Variants in IGFL4 observed in about 807,000 individuals in gnomAD.
IGFL4 encodes IGF like family member 4.
Under a neutral mutation model 15.4 loss-of-function variants are expected in IGFL4, and 12 were observed. The observed-to-expected ratio is 0.78, with a 90% CI of 0.50 to 1.26. The LOEUF is 1.26. IGFL4 is among the 50% of genes most tolerant of loss of function. IGFL4 has a pLI of 0.00. For synonymous variants in IGFL4, 54 were observed against 55.9 expected (o/e 0.97, Z 0.16); for missense variants, 126 against 147.8 (o/e 0.85, Z 0.76).
upstream of IGFL4, among the ~76,000 whole-genome samples, chr19:46,043,743 A>C (rs1200091808): frequency 6.6e-6 from 1 of 152,242 alleles, no homozygotes; most frequent in African/African-American, 2.4e-5. Context: ...GCATATGAAA[A>C]AAAAAATCTT....
intron 1 of IGFL4, among the ~76,000 whole-genome samples, chr19:46,072,048 A>G (rs1969551402): frequency 6.6e-6 from 1 of 152,154 alleles, no homozygotes. Context: ...GAAGCTGAGG[A>G]TTCTCCAACT....
upstream of IGFL4, among the ~76,000 whole-genome samples, chr19:46,041,602 T>G (rs1969244050): frequency 6.6e-6 from 1 of 151,926 alleles, no homozygotes. Context: ...TTTTTTTTTT[T>G]TGGTTTGTGG....
Position 46,053,203 on chromosome 19 carries a change from T to C in IGFL4, c.-323+6982A>G, listed in dbSNP as rs188703771. ...CTGTGTTACTTCACTTGGTTCTGAT[T>C]TAAATGATCTGTTTTGTTTTGTTTT... On this transcript the variant is annotated intron_variant, in intron 2 of 5. Coordinates refer to the IGFL4 transcript ENST00000601672. 2.0e-3 allele frequency among the ~76,000 whole-genome samples: 305 copies of C among 152,228 alleles called. 1 individual carries two copies. Among genetic ancestry groups the C allele is most frequent in the Admixed American group, 3.8e-3 (58 of 15,272 alleles).
chr19:46,040,787 G>A lies in IGFL4; in HGVS notation c.19+157C>T. 2 of 949,054 alleles carry A rather than the reference G, an allele frequency of 2.1e-6. No homozygotes were observed. The highest frequency in any genetic ancestry group is 3.3e-6 in the Non-Finnish European group (2 of 606,640). The allele number at this position is 949,054 out of a possible 1,614,324, so 58.8% of individuals were successfully genotyped here. ...AGCTTCTGGAATTTGCAGTTCAGGA[G>A]ACAGATTACAATGCAGTCACAGATG... On this transcript the variant is annotated intron_variant, in intron 1 of 3. Transcript: ENST00000377697. This position sits in a 1 kb window ranked among gnomAD's most constrained non-coding sequence, Gnocchi z 4.1.
At chr19:46,043,805 T>G (rs1969271278), upstream of IGFL4, among the ~76,000 whole-genome samples, 1 of 152,030 alleles carries the variant, frequency 6.6e-6, no homozygotes, top group South Asian at 2.1e-4. Context: ...GATCTAGATA[T>G]AAAAAGTTAA....
chr19:46,059,376 G>C (rs1458872077), intron 2 of IGFL4: 1 of 152,172 alleles, frequency 6.6e-6, no homozygotes, highest in Non-Finnish European at 1.5e-5. Context: ...AGGCTGAATA[G>C]GGGCAATGCT....
intron 2 of IGFL4, among the ~76,000 whole-genome samples, chr19:46,055,888 C>T (rs4802285): frequency 0.52 from 79,771 of 151,966 alleles, 21,334 homozygotes; most frequent in Non-Finnish European, 0.55. Flanking sequence ...GTGATTCTCC[C>T]GCCTCAGCCT....
In IGFL4 at chr19:46,040,192, A is replaced by G; in HGVS notation, c.295T>C (p.Cys99Arg). 1 of 1,614,070 alleles carries G rather than the reference A, an allele frequency of 6.2e-7. No individual in the cohort carries two copies. Reference sequence around the variant, plus strand: ...ATCCTGGTGATAGGGGAGGACTTGCAATCTGGCTTCATGCCTGGGACCTTG... The same window carrying G: ...ATCCTGGTGATAGGGGAGGACTTGCGATCTGGCTTCATGCCTGGGACCTTG... ...RFKVPGMKPD[C>R]KSSPITRICA... Residue 99 changes from cysteine (C) to arginine (R), a missense_variant, in exon 3 of 4, where the codon TGC (cysteine) becomes CGC (arginine). Transcript: ENST00000377697. This position sits in a 1 kb window ranked among gnomAD's most constrained non-coding sequence, Gnocchi z 4.1.
intron 1 of IGFL4, among the ~76,000 whole-genome samples, chr19:46,062,176 C>A (rs1447942497): frequency 6.6e-6 from 1 of 152,110 alleles, no homozygotes; most frequent in South Asian, 2.1e-4. Context: ...TTCTTATTAC[C>A]CAACTTTAGC....
chr19:46,056,570 G>A (rs1037630176), intron 2 of IGFL4, among the ~76,000 whole-genome samples: 2 of 152,170 alleles, frequency 1.3e-5, no homozygotes, highest in Non-Finnish European at 1.5e-5. Context: ...GCCTCCTGAT[G>A]AATTGGAAAA....
exon 2 of IGFL4, chr19:46,060,286 C>T (rs1395079396): frequency 1.3e-5 from 2 of 152,146 alleles, no homozygotes; most frequent in Non-Finnish European, 2.9e-5. Context: ...AGAAAAGTTT[C>T]CTTGACTCTG....
chr19:46,047,566 A>C (rs2146513492), intron 2 of IGFL4, among the ~76,000 whole-genome samples: 1 of 152,318 alleles, frequency 6.6e-6, no homozygotes. Context: ...TCAAATAAAC[A>C]TAATCAGAAA....
intron 2 of IGFL4, among the ~76,000 whole-genome samples, chr19:46,047,680 G>A (rs1012582092): frequency 2.6e-5 from 4 of 151,964 alleles, no homozygotes; most frequent in Admixed American, 2.6e-4. Context: ...AGAAGAAATG[G>A]ATACATCCCT....
intron 1 of IGFL4, among the ~76,000 whole-genome samples, chr19:46,067,545 C>G (rs978422479): frequency 1.3e-5 from 2 of 152,156 alleles, no homozygotes; most frequent in African/African-American, 4.8e-5. Flanking sequence ...AGAAAATTCC[C>G]CAGGCAGGAA....
chr19:46,039,752 G>C lies in IGFL4; in HGVS notation c.*140C>G. 2 of 724,308 alleles carry C rather than the reference G, an allele frequency of 2.8e-6. No homozygotes were observed. Among genetic ancestry groups the C allele is most frequent in the Non-Finnish European group, 5.0e-6 (2 of 400,350 alleles). The allele number at this position is 724,308 out of a possible 1,614,324, so 44.9% of individuals were successfully genotyped here. ...TTTGTACATTGATTTTGTATCCTGA[G>C]ACTTTGCTGAAGTTGCTTATTTGCA... On this transcript the variant is annotated 3_prime_UTR_variant, in exon 4 of 4. Coordinates refer to ENST00000377697, the MANE Select transcript of IGFL4 (RefSeq NM_001002923.3).
chr19:46,074,606 G>A (rs985423432), intron 1 of IGFL4, among the ~76,000 whole-genome samples: 1 of 152,168 alleles, frequency 6.6e-6, no homozygotes, highest in Admixed American at 6.5e-5. Flanking sequence ...TTGAGGGCAG[G>A]AAGCATCCAG....
Position 46,040,669 on chromosome 19 carries a change from C to T in IGFL4, c.20-101G>A. The T allele has an allele frequency of 7.2e-7, 1 of 1,385,070 alleles. No homozygotes were observed. The highest frequency in any genetic ancestry group is 1.0e-6 in the Non-Finnish European group (1 of 986,820). 85.8% of individuals were successfully genotyped at this position (1,385,070 alleles called of 1,614,324 possible). A position where few individuals can be genotyped will look rare whatever the true frequency, so the allele number is the denominator to read the frequency against. ...GAGCTTCTCTGGTTGCTGTTAACAG[C>T]TCAGAGTGGATTTTGGGACTGGCTG... On this transcript the variant is annotated intron_variant, in intron 1 of 3. Coordinates refer to ENST00000377697, the MANE Select transcript of IGFL4 (RefSeq NM_001002923.3). The surrounding 1 kb of genome is among the most constrained non-coding windows in gnomAD (Gnocchi z 4.1).
At chr19:46,067,815 G>A (rs1237782792) in intron 1 of IGFL4, among the ~76,000 whole-genome samples, 2 of 152,172 alleles carry the variant, frequency 1.3e-5, no homozygotes, top group East Asian at 1.9e-4. Context: ...CAGCCCCCAG[G>A]TGTGGAAACC....
chr19:46,041,589 CTT>C (rs763783373), upstream of IGFL4, among the ~76,000 whole-genome samples: 34 of 141,110 alleles, frequency 2.4e-4, no homozygotes, highest in Admixed American at 3.6e-4. Context: ...AAAGCAGCAC[CTT>C]TTTTTTTTTT....
Sources: allele counts gnomAD v4.1 joint callset (sites outside exome capture counted in the v4.1 genomes callset), GRCh38; gene constraint gnomAD v4.1.1; non-coding constraint Gnocchi (gnomAD v3.1); transcripts MANE v1.5; gene names NCBI Gene and HGNC (gene_info 2026-07-23, HGNC 2026-07-21).